Variants in GRAMD2B observed in about 807,000 individuals in gnomAD.
GRAMD2B encodes the protein GRAM domain-containing protein 2B.
A neutral mutation model predicts 59.2 loss-of-function variants in GRAMD2B; 41 were observed. The observed-to-expected ratio is 0.69, with a 90% CI of 0.54 to 0.90. The LOEUF (loss-of-function observed/expected upper bound fraction) is 0.90. Ranked by LOEUF, GRAMD2B falls within the 40% of genes least tolerant of loss-of-function variation. The pLI, the probability that GRAMD2B is intolerant of heterozygous loss-of-function variation, is 0.00. For synonymous variants in GRAMD2B, 161 were observed against 182.7 expected, an observed-to-expected ratio of 0.88 and a Z score of 0.96; for missense variants, 424 against 500.5, an observed-to-expected ratio of 0.85 and a Z score of 1.46.
chr5:126,408,292 A>G (rs1172325345), intron 1 of GRAMD2B, among the ~76,000 whole-genome samples: 1 of 151,994 alleles, frequency 6.6e-6, no homozygotes, highest in Non-Finnish European at 1.5e-5. Flanking sequence ...CATACTTTTT[A>G]TGGCTGCATA....
At chr5:126,413,476 T>G (rs369739671) in intron 1 of GRAMD2B, among the ~76,000 whole-genome samples, 100 of 152,244 alleles carry the variant, frequency 6.6e-4, no homozygotes, top group South Asian at 1.2e-3. Flanking sequence ...ATGGCTGGTA[T>G]GATTTCAATT....
Position 126,465,485 on chromosome 5 carries a change from A to C in GRAMD2B, c.143A>C (p.Gln48Pro). Residue 48 changes from glutamine to proline, a missense_variant, in exon 2 of 14, where the codon CAA becomes CCA. Gln to Pro is a moderately conservative substitution (Grantham distance 76, BLOSUM62 -1). Coordinates refer to ENST00000285689, the MANE Select transcript of GRAMD2B (RefSeq NM_023927.4). The part of the protein sequence containing the change: ...KKKACRSPTA[Q>P]SPTPSVEADS... ...AAAGCCTGCAGGTCGCCAACAGCCCAATCCCCTACCCCATCTGTGGAGGCG... is the reference window on the plus strand; with the variant it reads ...AAAGCCTGCAGGTCGCCAACAGCCCCATCCCCTACCCCATCTGTGGAGGCG... The C allele has an allele frequency of 6.2e-7, 1 of 1,614,144 alleles. No homozygotes were observed. The highest frequency in any genetic ancestry group is 8.5e-7 in the Non-Finnish European group (1 of 1,180,012).
At chr5:126,446,365 T>A (rs1184044540) in intron 1 of GRAMD2B, among the ~76,000 whole-genome samples, 1 of 152,154 alleles carries the variant, frequency 6.6e-6, no homozygotes, top group Non-Finnish European at 1.5e-5. Context: ...GTACCTGTTT[T>A]CTATGTTATA....
chr5:126,393,301 A>C (rs1757011750), intron 1 of GRAMD2B, among the ~76,000 whole-genome samples: 1 of 152,194 alleles, frequency 6.6e-6, no homozygotes, highest in Non-Finnish European at 1.5e-5. Flanking sequence ...TCCAAGTGTA[A>C]AATATTATCT....
rs776272144 is a variant in GRAMD2B at position 126,484,544 on chromosome 5, G to C, written c.970+20G>C. 5.6e-6 allele frequency: 9 copies of C among 1,595,906 alleles called. No homozygotes were observed. Among genetic ancestry groups the C allele is most frequent in the East Asian group, 2.2e-5 (1 of 44,556 alleles). ...TACAGGGTAAGGAATGGATGTCTCA[G>C]GGGGGTGGGTTTAGAAGGATTGGAG... is the stretch of plus-strand genomic sequence containing the variant. On this transcript the variant is annotated intron_variant, in intron 10 of 13. Coordinates refer to ENST00000285689, the MANE Select transcript of GRAMD2B (RefSeq NM_023927.4).
intron 1 of GRAMD2B, among the ~76,000 whole-genome samples, chr5:126,404,097 G>A (rs1377698458): frequency 6.6e-6 from 1 of 151,842 alleles, no homozygotes; most frequent in Non-Finnish European, 1.5e-5. Flanking sequence ...GTGGTGCTAT[G>A]GAAATGCTAA....
upstream of GRAMD2B, among the ~76,000 whole-genome samples, chr5:126,366,971 C>T (rs1326177743): frequency 6.6e-6 from 1 of 151,118 alleles, no homozygotes; most frequent in Non-Finnish European, 1.5e-5. Flanking sequence ...TCTTGTGCCT[C>T]AGCCTCCAGA....
At chr5:126,451,112 G>A (rs1228372834) in intron 1 of GRAMD2B, among the ~76,000 whole-genome samples, 1 of 152,232 alleles carries the variant, frequency 6.6e-6, no homozygotes. Flanking sequence ...CAACCCGTGA[G>A]AGCAGCCAGC....
intron 1 of GRAMD2B, among the ~76,000 whole-genome samples, chr5:126,378,900 T>C (rs1036065260): frequency 2.0e-5 from 3 of 152,186 alleles, no homozygotes; most frequent in Non-Finnish European, 1.5e-5. Context: ...TTCTGAAATA[T>C]TTGACTCACT....
chr5:126,413,670 T>G lies in GRAMD2B; in HGVS notation c.125+42103T>G, dbSNP rs896073482. ...AAATGTCTTTGTTAGTTTTCTGCCT[T>G]GATGATCTAAGGCTATCAGTGGGGT... On this transcript the variant is annotated intron_variant, in intron 1 of 8. Transcript: ENST00000506445. Among the ~76,000 whole-genome samples, 5 of 152,074 alleles carry G rather than the reference T, an allele frequency of 3.3e-5. No homozygotes were observed. The East Asian group carries it at 7.7e-4, about 24-fold the overall frequency.
intron 1 of GRAMD2B, among the ~76,000 whole-genome samples, chr5:126,463,212 G>A (rs1048806628): frequency 6.6e-6 from 1 of 152,184 alleles, no homozygotes; most frequent in African/African-American, 2.4e-5. Flanking sequence ...ACACAAAGAT[G>A]CTGTATAGGA....
At chr5:126,379,763 T>A (rs1352293023) in intron 1 of GRAMD2B, among the ~76,000 whole-genome samples, 1 of 152,216 alleles carries the variant, frequency 6.6e-6, no homozygotes, top group African/African-American at 2.4e-5. Context: ...TGTTTGGTTT[T>A]TTCTTGCTTA....
At chr5:126,433,310 T>C (rs188226309) in intron 1 of GRAMD2B, among the ~76,000 whole-genome samples, 16 of 152,168 alleles carry the variant, frequency 1.1e-4, no homozygotes, top group Non-Finnish European at 1.5e-5. Flanking sequence ...TGTTAAAGTG[T>C]TGAAGCCAAA....
At chr5:126,492,063 A>G (rs770673960) in intron 13 of GRAMD2B, among the ~76,000 whole-genome samples, 2 of 152,200 alleles carry the variant, frequency 1.3e-5, no homozygotes, top group African/African-American at 2.4e-5. Context: ...CCTTTATTCA[A>G]CGGTCATTTA....
At chr5:126,411,213 T>G (rs1758755463) in intron 1 of GRAMD2B, among the ~76,000 whole-genome samples, 1 of 152,140 alleles carries the variant, frequency 6.6e-6, no homozygotes, top group African/African-American at 2.4e-5. Flanking sequence ...CTAGGTTTTC[T>G]TCTAGGATTC....
chr5:126,404,694 G>A (rs972403524), intron 1 of GRAMD2B, among the ~76,000 whole-genome samples: 5 of 151,716 alleles, frequency 3.3e-5, no homozygotes, highest in East Asian at 1.9e-4. Context: ...CATCCAATAC[G>A]CCTTTGTTCC....
chr5:126,391,334 A>AAAAAAAAAAAAAAAAAAAAAC (rs1266652091), intron 1 of GRAMD2B, among the ~76,000 whole-genome samples: 1 of 150,052 alleles, frequency 6.7e-6, no homozygotes, highest in African/African-American at 2.4e-5. Context: ...AAAAAAAAAA[A>AAAAAAAAAAAAAAAAAAAAAC]AAAAAACTTG....
chr5:126,397,218 A>G (rs908250694), intron 1 of GRAMD2B, among the ~76,000 whole-genome samples: 11 of 151,658 alleles, frequency 7.3e-5, no homozygotes. Context: ...TTTCATTTGG[A>G]CTTTTATTTT....
rs372334554 is a variant in GRAMD2B, at chr5:126,448,883, C to G, written c.84-16543C>G. On this transcript the variant is annotated intron_variant, in intron 1 of 13. Transcript: ENST00000285689. ...TGTGGATAACACCTGTCTTACATGC[C>G]GGCCTCAAACACCTGTCTAACACAC... Among the ~76,000 whole-genome samples the G allele has an allele frequency of 4.5e-4, 69 of 152,286 alleles. 2 individuals carry two copies. Among genetic ancestry groups the G allele is most frequent in the African/African-American group, 1.7e-3 (69 of 41,566 alleles).
Sources: gnomAD v4.1 joint callset for allele counts (sites outside exome capture counted in the v4.1 genomes callset) on GRCh38, gnomAD v4.1.1 for gene constraint, MANE v1.5 for transcripts, NCBI Gene and HGNC (gene_info 2026-07-23, HGNC 2026-07-21) for gene names.